Variants in SLC39A5 observed in about 807,000 individuals in gnomAD.
The protein encoded by SLC39A5 is zinc transporter ZIP5.
Under a neutral mutation model 46.9 loss-of-function variants are expected in SLC39A5, and 42 were observed. That is an observed-to-expected ratio of 0.90 (90% CI 0.70 to 1.16). The LOEUF is 1.16. Among genes scored for constraint, SLC39A5 ranks in the 50% most tolerant of loss-of-function variants. SLC39A5 has a pLI of 0.00. For missense variants in SLC39A5, 677 were observed against 686.8 expected, an observed-to-expected ratio of 0.99 and a Z score of 0.16; for synonymous variants, 311 against 323.1, an observed-to-expected ratio of 0.96 and a Z score of 0.40.
Position 56,236,976 on chromosome 12 carries a change from T to G in SLC39A5, c.1253T>G (p.Leu418Ter). The change falls in exon 11 of 13, where the codon TTA becomes TGA. Residue 418 changes from leucine to a stop codon, truncating the protein, a stop_gained. Transcript: ENST00000454355. LOFTEE classifies it high-confidence loss of function. Reference sequence around the variant, plus strand: ...TTCTCCAGCGGCCTCAGTACCACCTTAGCGGTCTTCTGCCATGAGCTGCCC... The same window carrying G: ...TTCTCCAGCGGCCTCAGTACCACCTGAGCGGTCTTCTGCCATGAGCTGCCC... ...DGFSSGLSTT[L>*]AVFCHELPHE... The G allele has an allele frequency of 6.2e-7, 1 of 1,614,078 alleles. No individual in the cohort carries two copies. Among genetic ancestry groups the G allele is most frequent in the Non-Finnish European group, 8.5e-7 (1 of 1,179,956 alleles).
At position 56,237,181 on chromosome 12, in the gene SLC39A5, G is replaced by A. The variant is rs146756761; in HGVS notation, c.1320G>A (p.Leu440=). The A allele has an allele frequency of 1.4e-4, 231 of 1,613,824 alleles. 1 individual carries two copies. In the African/African-American group the frequency reaches 2.5e-3, roughly 18 times the overall value. The part of the protein sequence containing the change: ...GDFAMLLQSG[L]SFRRLLLLSL... ...TTGCCATGCTGCTCCAGTCAGGGCT[G>A]TCCTTTCGGCGGCTGCTGCTGCTGA... Residue 440 remains leucine (L), a synonymous_variant, in exon 12 of 13, where the codon CTG becomes CTA. Transcript: ENST00000454355.
Position 56,236,433 on chromosome 12 carries a change from G to T in SLC39A5, c.983G>T (p.Arg328Leu). 6.2e-7 allele frequency: 1 copy of T among 1,614,236 alleles called. No individual in the cohort carries two copies. Among genetic ancestry groups the T allele is most frequent in the South Asian group, 1.1e-5 (1 of 91,086 alleles). ...CRRKRRNLET[R>L]NLDPENGSGM... ...CGAAAACGAAGGAATCTCGAAACACGCAACTTGGATCCGGAGAATGGCAGT... is the reference window on the plus strand; with the variant it reads ...CGAAAACGAAGGAATCTCGAAACACTCAACTTGGATCCGGAGAATGGCAGT... The change falls in exon 9 of 13, where the codon CGC (arginine) becomes CTC (leucine). Residue 328 changes from arginine (R) to leucine (L), a missense_variant. Arg to Leu is a moderately radical substitution (Grantham distance 102). Coordinates refer to ENST00000454355, the MANE Select transcript of SLC39A5 (RefSeq NM_173596.3).
chr12:56,232,161 CTTT>C (rs767220492), intron 4 of SLC39A5, among the ~76,000 whole-genome samples: 1 of 117,248 alleles, frequency 8.5e-6, no homozygotes, highest in Non-Finnish European at 1.8e-5. Context: ...CTTTTCTTTT[CTTT>C]TTTTTTTTTT....
intron 3 of SLC39A5, 106 bp from the exon 4 acceptor site, chr12:56,231,098 G>T: frequency 1.6e-6 from 1 of 623,378 alleles, no homozygotes; most frequent in Non-Finnish European, 2.7e-6. Flanking sequence ...CTGCAGTAGG[G>T]GCTGCTGCTG....
chr12:56,232,268 C>T (rs1592373993), intron 4 of SLC39A5, among the ~76,000 whole-genome samples: 1 of 148,282 alleles, frequency 6.7e-6, no homozygotes, highest in African/African-American at 2.5e-5. Context: ...CCGGTTCAAG[C>T]GATTCTCCTG....
At chr12:56,235,482 G>A (rs1870650293) in intron 7 of SLC39A5, 78 bp from the exon 8 acceptor site, 9 of 1,553,428 alleles carry the variant, frequency 5.8e-6, no homozygotes, top group Non-Finnish European at 6.9e-6. Flanking sequence ...TATGAGCGAA[G>A]GCTTGCCACA....
rs910955845 is a variant in SLC39A5, at chr12:56,232,581, T to C, written c.288-108T>C. Reference sequence around the variant, plus strand: ...TCCATGGTTTCTGGGTCCCAGGATCTCCAGTCAGTGGCTAGTCCCCCCATT... The same window carrying C: ...TCCATGGTTTCTGGGTCCCAGGATCCCCAGTCAGTGGCTAGTCCCCCCATT... On this transcript the variant is annotated intron_variant, in intron 4 of 12. Transcript: ENST00000454355. 6.2e-6 allele frequency: 6 copies of C among 965,396 alleles called. No homozygotes were observed. In the Admixed American group the frequency reaches 1.8e-4, roughly 29 times the overall value. 59.8% of individuals were successfully genotyped at this position (965,396 alleles called of 1,614,324 possible). A position where few individuals can be genotyped will look rare whatever the true frequency, so the allele number is the denominator to read the frequency against.
In SLC39A5 at chr12:56,236,479, A is replaced by G; in HGVS notation, c.1029A>G (p.Leu343=). 1 of 1,614,246 alleles carries G rather than the reference A, an allele frequency of 6.2e-7. No homozygotes were observed. The highest frequency in any genetic ancestry group is 1.1e-5 in the South Asian group (1 of 91,084). Residue 343 remains leucine (L), a synonymous_variant, in exon 9 of 13, where the codon CTA becomes CTG. Coordinates refer to ENST00000454355, the MANE Select transcript of SLC39A5 (RefSeq NM_173596.3). ...ENGSGMALQP[L]QAAPEPGAQG... ...GCAGTGGGATGGCCCTTCAGCCCCTACAGGCAGCTCCAGGTGACTAGAGGA... is the reference window on the plus strand; with the variant it reads ...GCAGTGGGATGGCCCTTCAGCCCCTGCAGGCAGCTCCAGGTGACTAGAGGA...
chr12:56,231,203 G>A lies in SLC39A5; in HGVS notation c.-71-1G>A. On this transcript the variant is annotated splice_acceptor_variant, in intron 3 of 12. Coordinates refer to ENST00000454355, the MANE Select transcript of SLC39A5 (RefSeq NM_173596.3). LOFTEE classifies it low-confidence loss of function (5UTR_SPLICE). ...CTCCAGCCCATTCCTCATTCTTCCAGGGCACAGTCCTCAGGATGTTTCGGG... is the reference window on the plus strand; with the variant it reads ...CTCCAGCCCATTCCTCATTCTTCCAAGGCACAGTCCTCAGGATGTTTCGGG... 1.3e-6 allele frequency: 2 copies of A among 1,482,716 alleles called. No individual in the cohort carries two copies. The highest frequency in any genetic ancestry group is 1.8e-6 in the Non-Finnish European group (2 of 1,101,798). 91.8% of individuals were successfully genotyped at this position (1,482,716 alleles called of 1,614,324 possible). A position where few individuals can be genotyped will look rare whatever the true frequency, so the allele number is the denominator to read the frequency against.
Position 56,234,969 on chromosome 12 carries a change from C to CA in SLC39A5, c.618dup (p.Gly207ArgfsTer176), listed in dbSNP as rs1458359032. 24 of 1,613,330 alleles carry CA rather than the reference C, an allele frequency of 1.5e-5. No individual in the cohort carries two copies. Among genetic ancestry groups the CA allele is most frequent in the Non-Finnish European group, 1.9e-5 (23 of 1,180,004 alleles). On this transcript the variant is annotated frameshift_variant, in exon 6 of 13. Coordinates refer to ENST00000454355, the MANE Select transcript of SLC39A5 (RefSeq NM_173596.3). LOFTEE classifies it high-confidence loss of function. ...ATCGGCGCTCCGGCCCCTGCACCCC[C>CA]AGGGGATCTACTATCTGGTCAGCAA...
chr12:56,235,739 G>C (rs1262445495), intron 8 of SLC39A5, 39 bp downstream of exon 8: 1 of 1,611,886 alleles, frequency 6.2e-7, no homozygotes, highest in Non-Finnish European at 8.5e-7. Flanking sequence ...GCTGAGACCA[G>C]AGTCCCAGTC....
chr12:56,235,506 G>A (rs1870653103), intron 7 of SLC39A5, 54 bp from the exon 8 acceptor site: 3 of 1,581,080 alleles, frequency 1.9e-6, no homozygotes, highest in African/African-American at 2.7e-5. Context: ...CATGCAAGGG[G>A]ATGTTGTTGG....
chr12:56,236,423 C>T lies in SLC39A5; in HGVS notation c.973C>T (p.Leu325Phe). 1 of 1,614,248 alleles carries T rather than the reference C, an allele frequency of 6.2e-7. No individual in the cohort carries two copies. Among genetic ancestry groups the T allele is most frequent in the East Asian group, 2.2e-5 (1 of 44,884 alleles). ...ATGCTGCAGGCGAAAACGAAGGAAT[C>T]TCGAAACACGCAACTTGGATCCGGA... ...PRCCRRKRRN[L>F]ETRNLDPENG... Residue 325 changes from leucine (L) to phenylalanine (F), a missense_variant, in exon 9 of 13, where the codon CTC (leucine) becomes TTC (phenylalanine). Transcript: ENST00000454355.
In SLC39A5 at chr12:56,236,480, C is replaced by G; in HGVS notation, c.1030C>G (p.Gln344Glu). Residue 344 changes from glutamine to glutamate, a missense_variant, in exon 9 of 13, where the codon CAG (glutamine) becomes GAG (glutamate). Transcript: ENST00000454355. ...NGSGMALQPL[Q>E]AAPEPGAQGQ... ...CAGTGGGATGGCCCTTCAGCCCCTA[C>G]AGGCAGCTCCAGGTGACTAGAGGAG... is the stretch of plus-strand genomic sequence containing the variant. The G allele has an allele frequency of 6.2e-7, 1 of 1,614,260 alleles. No individual in the cohort carries two copies. Among genetic ancestry groups the G allele is most frequent in the South Asian group, 1.1e-5 (1 of 91,088 alleles).
At chr12:56,232,598 C>G in intron 4 of SLC39A5, 91 bp from the exon 5 acceptor site, 7 of 1,171,930 alleles carry the variant, frequency 6.0e-6, no homozygotes, top group Non-Finnish European at 8.2e-6. Context: ...AGTGGCTAGT[C>G]CCCCCATTCC....
Position 56,236,457 on chromosome 12 carries a change from G to A in SLC39A5, c.1007G>A (p.Ser336Asn), listed in dbSNP as rs148647797. The A allele has an allele frequency of 3.7e-6, 6 of 1,614,262 alleles. No individual in the cohort carries two copies. Among genetic ancestry groups the A allele is most frequent in the Non-Finnish European group, 4.2e-6 (5 of 1,180,050 alleles). ...CGCAACTTGGATCCGGAGAATGGCA[G>A]TGGGATGGCCCTTCAGCCCCTACAG... ...ETRNLDPENG[S>N]GMALQPLQAA... The change falls in exon 9 of 13, where the codon AGT (serine) becomes AAT (asparagine). Residue 336 changes from serine to asparagine, a missense_variant. Coordinates refer to ENST00000454355, the MANE Select transcript of SLC39A5 (RefSeq NM_173596.3).
chr12:56,237,447 C>T, intron 12 of SLC39A5, 107 bp downstream of exon 12: 2 of 1,530,836 alleles, frequency 1.3e-6, no homozygotes, highest in Non-Finnish European at 8.9e-7. Context: ...GGAAGGGCGT[C>T]AGACCATAGG....
At chr12:56,235,532 G>T in intron 7 of SLC39A5, 28 bp from the exon 8 acceptor site, 1 of 1,608,404 alleles carries the variant, frequency 6.2e-7, no homozygotes. Context: ...GGGGCTTCCA[G>T]AGTCTGCCCT....
Position 56,236,442 on chromosome 12 carries a change from A to C in SLC39A5, c.992A>C (p.Asp331Ala). Residue 331 changes from aspartate (D) to alanine (A), a missense_variant, in exon 9 of 13, where the codon GAT becomes GCT. By Grantham distance (126) the Asp-to-Ala change is moderately radical (BLOSUM62 -2). Transcript: ENST00000454355. The stretch of plus-strand genomic sequence containing the variant: ...AGGAATCTCGAAACACGCAACTTGG[A>C]TCCGGAGAATGGCAGTGGGATGGCC... ...KRRNLETRNLDPENGSGMALQ... is the reference protein window; with the variant it reads ...KRRNLETRNLAPENGSGMALQ... 1.2e-6 allele frequency: 2 copies of C among 1,614,236 alleles called. No individual in the cohort carries two copies. The highest frequency in any genetic ancestry group is 1.7e-6 in the Non-Finnish European group (2 of 1,180,036).
Sources: gnomAD v4.1 joint callset for allele counts (sites outside exome capture counted in the v4.1 genomes callset) on GRCh38, gnomAD v4.1.1 for gene constraint, MANE v1.5 for transcripts, NCBI Gene and HGNC (gene_info 2026-07-23, HGNC 2026-07-21) for gene names.